RPL10: variants seen among roughly 807,000 people sequenced by gnomAD.
RPL10 encodes the protein large ribosomal subunit protein uL16.
A neutral mutation model predicts 15.7 loss-of-function variants in RPL10; 1 was observed. The ratio of observed to expected loss-of-function variants is 0.06; its 90% CI spans 0.02 to 0.30. The LOEUF (loss-of-function observed/expected upper bound fraction) is 0.30, where lower values mean the gene tolerates loss of function less well. Among genes scored for constraint, RPL10 ranks in the 10% least tolerant of loss-of-function variants. RPL10 has a pLI of 1.00. For synonymous variants in RPL10, 59 were observed against 64.0 expected (o/e 0.92, Z 0.37); for missense variants, 54 against 183.4 (o/e 0.29, Z 4.08).
chrX:154,398,426 G>C lies in RPL10; in HGVS notation c.-24+32G>C, dbSNP rs782141666. Reference sequence around the variant, plus strand: ...AAGCGCAGTTGTCGTCTCTTGCGGTGCCGTTGCTGGTTCTCACACCTTTTA... The same window carrying C: ...AAGCGCAGTTGTCGTCTCTTGCGGTCCCGTTGCTGGTTCTCACACCTTTTA... On this transcript the variant is annotated intron_variant, in intron 1 of 6. Transcript: ENST00000369817. 1.0e-5 allele frequency: 11 copies of C among 1,077,347 alleles called. No individual in the cohort carries two copies. In the South Asian group the frequency reaches 2.0e-4, roughly 20 times the overall value. The allele number at this position is 1,077,347 out of a possible 1,213,427, so 88.8% of individuals were successfully genotyped here. A position where few individuals can be genotyped will look rare whatever the true frequency, so the allele number is the denominator to read the frequency against.
chrX:154,401,131 G>T lies in RPL10; in HGVS notation c.*277G>T. ...CCTAGGCAGTAGGTTGAAAAACACT[G>T]AAGTGCTTTTCATGAAGCACAGCTG... On this transcript the variant is annotated 3_prime_UTR_variant, in exon 7 of 7. Transcript: ENST00000369817. 1.7e-6 allele frequency: 1 copy of T among 599,215 alleles called. No individual in the cohort carries two copies. The highest frequency in any genetic ancestry group is 2.4e-6 in the Non-Finnish European group (1 of 411,468). The allele number at this position is 599,215 out of a possible 1,213,427, so 49.4% of individuals were successfully genotyped here. A position where few individuals can be genotyped will look rare whatever the true frequency, so the allele number is the denominator to read the frequency against.
chrX:154,398,556 C>T lies in RPL10; in HGVS notation c.23+14C>T. On this transcript the variant is annotated intron_variant, in intron 2 of 6. Coordinates refer to ENST00000369817, the MANE Select transcript of RPL10 (RefSeq NM_006013.5). ...CCCCGCCCGTTGGTGAGTCTTGAAT[C>T]CGTGTACTTTCACTGCTGGGAAACG... The T allele has an allele frequency of 8.3e-7, 1 of 1,211,038 alleles. No individual in the cohort carries two copies. Among genetic ancestry groups the T allele is most frequent in the South Asian group, 1.8e-5 (1 of 56,993 alleles).
chrX:154,398,368 G>C (rs782726903), upstream of RPL10: 1 of 703,392 alleles, frequency 1.4e-6, no homozygotes, highest in Admixed American at 2.2e-5. Flanking sequence ...TGCGCAGGCG[G>C]AGGAGCGCCT....
In RPL10 at chrX:154,400,630, T is replaced by A. The variant is rs782342444; in HGVS notation, c.492+4T>A. The A allele has an allele frequency of 8.3e-7, 1 of 1,211,155 alleles. No homozygotes were observed. Among genetic ancestry groups the A allele is most frequent in the Non-Finnish European group, 1.1e-6 (1 of 895,166 alleles). On this transcript the variant is annotated splice_donor_region_variant and intron_variant, in intron 6 of 6. Coordinates refer to ENST00000369817, the MANE Select transcript of RPL10 (RefSeq NM_006013.5). ...CAAGTTTCCTGGCCGCCAGAAGGTA[T>A]GTAGTGCTGCAGCCCCCTTCTCCCA...
intron 2 of RPL10, chrX:154,398,974 C>T (rs1184172555): frequency 2.7e-6 from 1 of 365,555 alleles, no homozygotes; most frequent in Non-Finnish European, 5.0e-6. Context: ...GATTTAGTGC[C>T]ACGTGCCCGA....
intron 2 of RPL10, chrX:154,398,943 T>G: frequency 2.8e-6 from 1 of 358,788 alleles, no homozygotes; most frequent in Non-Finnish European, 5.1e-6. Flanking sequence ...GCCAGACGCA[T>G]TTCCACTCGG....
chrX:154,398,234 T>C (rs1438137132), upstream of RPL10: 3 of 489,306 alleles, frequency 6.1e-6, no homozygotes, highest in Non-Finnish European at 1.1e-5. Context: ...TGTGCTGGGC[T>C]ACGCCCGGGC....
At position 154,401,065 on chromosome X, in the gene RPL10, T is replaced by G. The variant is rs1557186044; in HGVS notation, c.*211T>G. The stretch of plus-strand genomic sequence containing the variant: ...AAGGGCTGGGACTGGTGGCCTTATG[T>G]CAGTTGTCTACTCTGGAGCTTGACT... On this transcript the variant is annotated 3_prime_UTR_variant, in exon 7 of 7. Coordinates refer to ENST00000369817, the MANE Select transcript of RPL10 (RefSeq NM_006013.5). 2 of 1,077,417 alleles carry G rather than the reference T, an allele frequency of 1.9e-6. No homozygotes were observed. Among genetic ancestry groups the G allele is most frequent in the Admixed American group, 5.5e-5 (2 of 36,410 alleles). 88.8% of individuals were successfully genotyped at this position (1,077,417 alleles called of 1,213,427 possible).
chrX:154,399,661 T>TA (rs2067986132), intron 4 of RPL10, 67 bp downstream of exon 4: 5 of 1,147,906 alleles, frequency 4.4e-6, no homozygotes, highest in Non-Finnish European at 6.0e-6. Flanking sequence ...CCCACCCACA[T>TA]ACACTGCACT....
At position 154,402,050 on chromosome X, in the gene RPL10, A is replaced by C. The variant is rs1557186728; in HGVS notation, c.*1196A>C. 1 of 112,008 alleles carries C rather than the reference A, an allele frequency of 8.9e-6. No individual in the cohort carries two copies. The highest frequency in any genetic ancestry group is 3.3e-5 in the African/African-American group (1 of 30,693). 9.2% of individuals were successfully genotyped at this position (112,008 alleles called of 1,213,427 possible). A position where few individuals can be genotyped will look rare whatever the true frequency, so the allele number is the denominator to read the frequency against. On this transcript the variant is annotated 3_prime_UTR_variant, in exon 7 of 7. Transcript: ENST00000369817. ...TAACTGGTGCAGATTTTCTGTGTGG[A>C]GATGTTGCCTTGACCAGCCTTGGCT...
chrX:154,399,229 A>G, intron 2 of RPL10, 109 bp from the exon 3 acceptor site: 1 of 792,607 alleles, frequency 1.3e-6, no homozygotes, highest in Non-Finnish European at 1.9e-6. Flanking sequence ...GTGGACGTGC[A>G]TTCCCCACCC....
In RPL10 at chrX:154,401,070, T is replaced by TA. The variant is rs1315374621; in HGVS notation, c.*216_*217insA. 1 of 1,059,070 alleles carries TA rather than the reference T, an allele frequency of 9.4e-7. No individual in the cohort carries two copies. The highest frequency in any genetic ancestry group is 1.9e-5 in the African/African-American group (1 of 53,472). 87.3% of individuals were successfully genotyped at this position (1,059,070 alleles called of 1,213,427 possible). A position where few individuals can be genotyped will look rare whatever the true frequency, so the allele number is the denominator to read the frequency against. On this transcript the variant is annotated 3_prime_UTR_variant, in exon 7 of 7. Coordinates refer to ENST00000369817, the MANE Select transcript of RPL10 (RefSeq NM_006013.5). ...CTGGGACTGGTGGCCTTATGTCAGT[T>TA]GTCTACTCTGGAGCTTGACTTGGAC...
upstream of RPL10, chrX:154,398,192 C>T (rs142941833): frequency 0.02 from 8,929 of 445,164 alleles, 100 homozygotes; most frequent in Non-Finnish European, 0.027. Context: ...CGCCCGCGGC[C>T]CTGGTACCCG....
chrX:154,400,186 TCTTG>T, intron 5 of RPL10: 2 of 551,372 alleles, frequency 3.6e-6, no homozygotes. Context: ...GAGTAGCTCT[TCTTG>T]CTTTTAGCTG....
Position 154,400,450 on chromosome X carries a change from C to T in RPL10, c.330-14C>T. Reference sequence around the variant, plus strand: ...GGATGTTCATGTTTCTGACCTTGCACTACCCCAATGTAGGCTCCAAACAGG... The same window carrying T: ...GGATGTTCATGTTTCTGACCTTGCATTACCCCAATGTAGGCTCCAAACAGG... On this transcript the variant is annotated splice_polypyrimidine_tract_variant and intron_variant, in intron 5 of 6. Transcript: ENST00000369817. 2 of 1,199,941 alleles carry T rather than the reference C, an allele frequency of 1.7e-6. No homozygotes were observed. The highest frequency in any genetic ancestry group is 1.7e-5 in the African/African-American group (1 of 57,757).
Position 154,401,142 on chromosome X carries a change from C to T in RPL10, c.*288C>T, listed in dbSNP as rs1557186099. On this transcript the variant is annotated 3_prime_UTR_variant, in exon 7 of 7. Transcript: ENST00000369817. ...GGTTGAAAAACACTGAAGTGCTTTTCATGAAGCACAGCTGCAGCAAAGCCT... is the reference window on the plus strand; with the variant it reads ...GGTTGAAAAACACTGAAGTGCTTTTTATGAAGCACAGCTGCAGCAAAGCCT... 3.9e-6 allele frequency: 2 copies of T among 512,794 alleles called. No individual in the cohort carries two copies. The highest frequency in any genetic ancestry group is 2.9e-6 in the Non-Finnish European group (1 of 339,313). The allele number at this position is 512,794 out of a possible 1,213,427, so 42.3% of individuals were successfully genotyped here. A position where few individuals can be genotyped will look rare whatever the true frequency, so the allele number is the denominator to read the frequency against.
At chrX:154,400,673 C>G (rs1801410913) in intron 6 of RPL10, 29 bp from the exon 7 acceptor site, 1 of 1,211,450 alleles carries the variant, frequency 8.3e-7, no homozygotes, top group Non-Finnish European at 1.1e-6. Flanking sequence ...CCCAGGCCTC[C>G]TGACTCAGTT....
In RPL10 at chrX:154,401,068, G is replaced by A; in HGVS notation, c.*214G>A. 1 of 1,068,377 alleles carries A rather than the reference G, an allele frequency of 9.4e-7. No individual in the cohort carries two copies. Among genetic ancestry groups the A allele is most frequent in the Non-Finnish European group, 1.2e-6 (1 of 802,479 alleles). The allele number at this position is 1,068,377 out of a possible 1,213,427, so 88.0% of individuals were successfully genotyped here. On this transcript the variant is annotated 3_prime_UTR_variant, in exon 7 of 7. Transcript: ENST00000369817. The stretch of plus-strand genomic sequence containing the variant: ...GGCTGGGACTGGTGGCCTTATGTCA[G>A]TTGTCTACTCTGGAGCTTGACTTGG...
chrX:154,401,072 T>A lies in RPL10; in HGVS notation c.*218T>A, dbSNP rs1376295449. On this transcript the variant is annotated 3_prime_UTR_variant, in exon 7 of 7. Transcript: ENST00000369817. ...GGGACTGGTGGCCTTATGTCAGTTGTCTACTCTGGAGCTTGACTTGGACCT... is the reference window on the plus strand; with the variant it reads ...GGGACTGGTGGCCTTATGTCAGTTGACTACTCTGGAGCTTGACTTGGACCT... 9.5e-7 allele frequency: 1 copy of A among 1,056,908 alleles called. No homozygotes were observed. The highest frequency in any genetic ancestry group is 1.9e-5 in the African/African-American group (1 of 53,390). 87.1% of individuals were successfully genotyped at this position (1,056,908 alleles called of 1,213,427 possible).
Sources: gnomAD v4.1 joint callset for allele counts on GRCh38, gnomAD v4.1.1 for gene constraint, MANE v1.5 for transcripts, NCBI Gene and HGNC (gene_info 2026-07-23, HGNC 2026-07-21) for gene names.